Variants in NAALADL2 observed in about 807,000 individuals in gnomAD.
The protein encoded by NAALADL2 is N-acetylated alpha-linked acidic dipeptidase like 2, also known as inactive N-acetylated-alpha-linked acidic dipeptidase-like protein 2.
NAALADL2 carries 76 observed loss-of-function variants against 87.2 expected under a neutral mutation model. The ratio of observed to expected loss-of-function variants is 0.87; its 90% CI spans 0.72 to 1.05. The LOEUF is 1.05. Ranked by LOEUF, NAALADL2 falls within the 50% of genes least tolerant of loss-of-function variation. The pLI is 0.00. For synonymous variants in NAALADL2, 354 were observed against 331.0 expected, an observed-to-expected ratio of 1.07 and a Z score of -0.75; for missense variants, 1,089 against 945.8, an observed-to-expected ratio of 1.15 and a Z score of -1.99.
chr3:174,686,335 T>C (rs921785297), intron 2 of NAALADL2, among the ~76,000 whole-genome samples: 1 of 152,116 alleles, frequency 6.6e-6, no homozygotes, highest in Admixed American at 6.5e-5. Flanking sequence ...GCATCTGTTA[T>C]TTATTTATTT....
intron 1 of NAALADL2, among the ~76,000 whole-genome samples, chr3:174,911,231 T>C (rs1379807120): frequency 3.3e-5 from 5 of 152,150 alleles, no homozygotes; most frequent in Admixed American, 6.5e-5. Flanking sequence ...GGTTTGGATA[T>C]GAGACTAGGT....
chr3:175,094,228 C>A (rs1720709027), intron 1 of NAALADL2, among the ~76,000 whole-genome samples: 1 of 151,676 alleles, frequency 6.6e-6, no homozygotes, highest in South Asian at 2.1e-4. Flanking sequence ...ATCAGGAATG[C>A]ATAAGCTGAA....
chr3:175,007,420 G>A (rs528741814), intron 1 of NAALADL2, among the ~76,000 whole-genome samples: 6 of 152,266 alleles, frequency 3.9e-5, no homozygotes, highest in African/African-American at 1.4e-4. Flanking sequence ...CTATCTTCAG[G>A]CATGGGAGTA....
At chr3:174,826,831 A>G (rs1454065407) in intron 3 of NAALADL2, among the ~76,000 whole-genome samples, 2 of 152,212 alleles carry the variant, frequency 1.3e-5, no homozygotes. Flanking sequence ...TGGTGTTCAG[A>G]TACCCCTGCC....
chr3:174,450,474 T>G (rs145672093), intron 1 of NAALADL2, among the ~76,000 whole-genome samples: 33 of 152,324 alleles, frequency 2.2e-4, no homozygotes, highest in Non-Finnish European at 4.4e-4. Flanking sequence ...GATACAGTGA[T>G]CTGGTAAGTT....
chr3:175,399,622 C>T (rs900212462), intron 5 of NAALADL2, among the ~76,000 whole-genome samples: 1 of 152,106 alleles, frequency 6.6e-6, no homozygotes, highest in Non-Finnish European at 1.5e-5. Context: ...GACCAGAGAT[C>T]ACTCTCATCA....
In NAALADL2 at chr3:174,930,322, T is replaced by C. The variant is rs556727487; in HGVS notation, c.43+70872T>C. Among the ~76,000 whole-genome samples, 8 of 152,220 alleles carry C rather than the reference T, an allele frequency of 5.3e-5. No individual in the cohort carries two copies. In the South Asian group the frequency reaches 1.7e-3, roughly 32 times the overall value. On this transcript the variant is annotated intron_variant, in intron 1 of 13. Coordinates refer to ENST00000454872, the MANE Select transcript of NAALADL2 (RefSeq NM_207015.3). Reference sequence around the variant, plus strand: ...AAAAAATGTTTTTATTTCTGTAATATACACTTAGTTTAGCTTTACTTGCGC... The same window carrying C: ...AAAAAATGTTTTTATTTCTGTAATACACACTTAGTTTAGCTTTACTTGCGC...
chr3:174,638,496 G>A (rs1722865913), intron 2 of NAALADL2, among the ~76,000 whole-genome samples: 1 of 152,094 alleles, frequency 6.6e-6, no homozygotes, highest in Non-Finnish European at 1.5e-5. Context: ...AGTCAAGGAT[G>A]AAGTAGAGGT....
At chr3:175,582,568 T>C (rs543157919) in intron 10 of NAALADL2, among the ~76,000 whole-genome samples, 1 of 152,270 alleles carries the variant, frequency 6.6e-6, no homozygotes, top group East Asian at 1.9e-4. Flanking sequence ...TGTTATAAAA[T>C]TGACAACAGT....
intron 11 of NAALADL2, among the ~76,000 whole-genome samples, chr3:175,638,070 T>C (rs1249697880): frequency 6.6e-6 from 1 of 152,194 alleles, no homozygotes; most frequent in Non-Finnish European, 1.5e-5. Context: ...GTGACAAACA[T>C]GAAAAAAGTT....
chr3:175,374,553 GAAAAAAA>G lies in NAALADL2; in HGVS notation c.1090+50254_1090+50260del, dbSNP rs765485400. On this transcript the variant is annotated intron_variant, in intron 5 of 13. Coordinates refer to ENST00000454872, the MANE Select transcript of NAALADL2 (RefSeq NM_207015.3). ...AGTGCTGAGTACCACTGCATCTCCA[GAAAAAAA>G]AAAAAAAAAAAAAAAAAAAAAAAAA... Among the ~76,000 whole-genome samples the G allele has an allele frequency of 1.3e-3, 57 of 45,398 alleles. 1 individual carries two copies. The highest frequency in any genetic ancestry group is 2.9e-3 in the African/African-American group (43 of 14,632). The allele number at this position is 45,398 out of a possible 152,430, so 29.8% of individuals were successfully genotyped here. A position where few individuals can be genotyped will look rare whatever the true frequency, so the allele number is the denominator to read the frequency against.
At chr3:174,659,404 C>T (rs762137508) in intron 2 of NAALADL2, among the ~76,000 whole-genome samples, 28 of 152,114 alleles carry the variant, frequency 1.8e-4, no homozygotes, top group African/African-American at 5.8e-4. Flanking sequence ...TTCTTTGCTA[C>T]GTGTATTTGA....
At chr3:174,469,266 CTTT>C (rs914414673) in intron 1 of NAALADL2, among the ~76,000 whole-genome samples, 1 of 142,578 alleles carries the variant, frequency 7.0e-6, no homozygotes, top group African/African-American at 2.6e-5. Context: ...CAGACAGGGT[CTTT>C]TTTTTTTTGA....
intron 3 of NAALADL2, among the ~76,000 whole-genome samples, chr3:174,798,890 C>T (rs1468706577): frequency 6.6e-6 from 1 of 151,952 alleles, no homozygotes. Flanking sequence ...TTTTCTTAAG[C>T]CAGGAGTGGT....
At chr3:175,615,223 A>G (rs1725167482) in intron 10 of NAALADL2, among the ~76,000 whole-genome samples, 1 of 152,196 alleles carries the variant, frequency 6.6e-6, no homozygotes, top group Non-Finnish European at 1.5e-5. Flanking sequence ...CCACTGAATT[A>G]ACTCAGAATA....
intron 3 of NAALADL2, among the ~76,000 whole-genome samples, chr3:174,763,952 T>C (rs1381846661): frequency 1.3e-5 from 2 of 152,182 alleles, no homozygotes; most frequent in East Asian, 1.9e-4. Flanking sequence ...CTTCCTATTT[T>C]AAATGAGGAA....
intron 5 of NAALADL2, among the ~76,000 whole-genome samples, chr3:175,372,162 T>G (rs1223713760): frequency 6.6e-6 from 1 of 152,236 alleles, no homozygotes; most frequent in Admixed American, 6.5e-5. Context: ...CCCTGCAGAC[T>G]TTACTGAACT....
At chr3:174,673,286 A>G (rs186014378) in intron 2 of NAALADL2, among the ~76,000 whole-genome samples, 1 of 152,064 alleles carries the variant, frequency 6.6e-6, no homozygotes, top group Admixed American at 6.6e-5. Flanking sequence ...TGATGTAACT[A>G]TAATAAAAAT....
intron 5 of NAALADL2, among the ~76,000 whole-genome samples, chr3:175,415,355 C>G (rs1183140564): frequency 6.6e-6 from 1 of 152,018 alleles, no homozygotes; most frequent in East Asian, 1.9e-4. Context: ...GGGAAAAATA[C>G]TATTTGGATA....
Sources: allele counts gnomAD v4.1 joint callset (sites outside exome capture counted in the v4.1 genomes callset), GRCh38; gene constraint gnomAD v4.1.1; transcripts MANE v1.5; gene names NCBI Gene and HGNC (gene_info 2026-07-23, HGNC 2026-07-21).